Variants in PRELID2 observed in about 807,000 individuals in gnomAD.
The protein encoded by PRELID2 is PRELI domain containing 2.
A neutral mutation model predicts 28.4 loss-of-function variants in PRELID2; 25 were observed. The observed-to-expected ratio is 0.88, with a 90% CI of 0.64 to 1.23. The LOEUF is 1.23. Among genes scored for constraint, PRELID2 ranks in the 50% most tolerant of loss-of-function variants. The probability of loss-of-function intolerance (pLI) is 0.00; values close to 1 mark genes in which losing one functional copy is unlikely to be tolerated. For synonymous variants in PRELID2, 76 were observed against 71.6 expected (o/e 1.06, Z -0.31); for missense variants, 201 against 214.4 (o/e 0.94, Z 0.39).
In PRELID2 at chr5:145,741,553, T is replaced by TATTTATATATAAAATTTATTTATAAATA. The variant is rs1561568019; in HGVS notation, n.70+23350_70+23377dup. Among the ~76,000 whole-genome samples, 10 of 104,052 alleles carry TATTTATATATAAAATTTATTTATAAATA rather than the reference T, an allele frequency of 9.6e-5. 1 individual carries two copies. The highest frequency in any genetic ancestry group is 3.2e-4 in the African/African-American group (7 of 21,682). The allele number at this position is 104,052 out of a possible 152,430, so 68.3% of individuals were successfully genotyped here. ...ATATAAAATTTATTTATAAATAATTTATTTATATATAAAATTTATTTATAA... is the reference window on the plus strand; with the variant it reads ...ATATAAAATTTATTTATAAATAATTTATTTATATATAAAATTTATTTATAAATAATTTATATATAAAATTTATTTATAA... On this transcript the variant is annotated intron_variant and non_coding_transcript_variant, in intron 1 of 2. Transcript: ENST00000510259.
intron 1 of PRELID2, among the ~76,000 whole-genome samples, chr5:145,568,944 T>A (rs1330149731): frequency 2.0e-5 from 3 of 152,246 alleles, no homozygotes; most frequent in Admixed American, 6.5e-5. Context: ...GCTGCCATCA[T>A]AAAGAAACAT....
intron 1 of PRELID2, among the ~76,000 whole-genome samples, chr5:145,707,257 G>A (rs1755572130): frequency 6.6e-6 from 1 of 152,202 alleles, no homozygotes; most frequent in African/African-American, 2.4e-5. Flanking sequence ...GAGTGGCAGA[G>A]TCAGGATGTG....
At chr5:145,619,949 G>T (rs62394221) in intron 1 of PRELID2, among the ~76,000 whole-genome samples, 3,070 of 152,186 alleles carry the variant, frequency 0.02, 51 homozygotes, top group African/African-American at 0.034. Flanking sequence ...AATTTAAACA[G>T]TCTGAAAATT....
At chr5:145,530,823 G>T (rs1216730398) in intron 1 of PRELID2, among the ~76,000 whole-genome samples, 2 of 151,980 alleles carry the variant, frequency 1.3e-5, no homozygotes, top group Non-Finnish European at 2.9e-5. Flanking sequence ...AGTCATAATT[G>T]CCCAAGGAGA....
chr5:145,735,895 T>G (rs1055214530), intron 1 of PRELID2, among the ~76,000 whole-genome samples: 3 of 152,204 alleles, frequency 2.0e-5, no homozygotes, highest in Non-Finnish European at 2.9e-5. Flanking sequence ...CCGACCACAT[T>G]GTGAGACTAA....
intron 1 of PRELID2, among the ~76,000 whole-genome samples, chr5:145,737,744 G>T (rs555194285): frequency 5.9e-5 from 9 of 152,188 alleles, no homozygotes; most frequent in South Asian, 2.1e-4. Flanking sequence ...CACTGGCAAG[G>T]GCCTAGACTT....
chr5:145,787,188 A>C (rs1351895342), intron 5 of PRELID2, among the ~76,000 whole-genome samples: 1 of 152,244 alleles, frequency 6.6e-6, no homozygotes, highest in Non-Finnish European at 1.5e-5. Flanking sequence ...CGATTGCATA[A>C]TGAGAGCTCT....
chr5:145,710,705 A>G (rs750693292), intron 1 of PRELID2, among the ~76,000 whole-genome samples: 3 of 152,192 alleles, frequency 2.0e-5, no homozygotes, highest in African/African-American at 4.8e-5. Flanking sequence ...TCTTAACATC[A>G]CTGCCTGGTC....
the PRELID2 span, among the ~76,000 whole-genome samples, chr5:145,254,883 T>C: frequency 6.6e-6 from 1 of 150,442 alleles, no homozygotes; most frequent in Non-Finnish European, 1.5e-5. Context: ...AATGAGACAT[T>C]CCTCCTAGGT....
chr5:145,487,066 T>G (rs1257943689), intron 1 of PRELID2, among the ~76,000 whole-genome samples: 54 of 119,900 alleles, frequency 4.5e-4, no homozygotes, highest in East Asian at 2.1e-3. Context: ...ACAGGAAGGG[T>G]AATATCACAC....
chr5:145,581,126 T>C (rs966126585), intron 1 of PRELID2, among the ~76,000 whole-genome samples: 2 of 151,970 alleles, frequency 1.3e-5, no homozygotes, highest in Non-Finnish European at 2.9e-5. Context: ...CTCTTCCTAG[T>C]ACAGAAGCCC....
At chr5:145,735,875 A>G (rs1581115275) in intron 1 of PRELID2, among the ~76,000 whole-genome samples, 1 of 152,326 alleles carries the variant, frequency 6.6e-6, no homozygotes, top group East Asian at 1.9e-4. Flanking sequence ...GAAATGGATG[A>G]TCAGCATGAC....
chr5:145,753,018 A>T (rs1022597496), downstream of PRELID2, among the ~76,000 whole-genome samples: 4 of 152,190 alleles, frequency 2.6e-5, no homozygotes, highest in Admixed American at 2.6e-4. Flanking sequence ...AGACACCTAA[A>T]CTTAAAATGG....
At chr5:145,400,113 G>T in the PRELID2 span, among the ~76,000 whole-genome samples, 1 of 151,970 alleles carries the variant, frequency 6.6e-6, no homozygotes, top group Admixed American at 6.6e-5. Context: ...AGAAGTGTTA[G>T]CCCTGATCAA....
At chr5:145,269,407 C>T in the PRELID2 span, among the ~76,000 whole-genome samples, 2 of 151,918 alleles carry the variant, frequency 1.3e-5, no homozygotes, top group Non-Finnish European at 2.9e-5. Context: ...AAAAGTCTTT[C>T]CAACTAAAGA....
chr5:145,431,415 G>T, the PRELID2 span, among the ~76,000 whole-genome samples: 6 of 152,166 alleles, frequency 3.9e-5, 1 homozygote, highest in South Asian at 1.2e-3. Context: ...TGATAAACTG[G>T]ATATTTACAT....
intron 1 of PRELID2, among the ~76,000 whole-genome samples, chr5:145,657,481 C>A (rs146472149): frequency 4.6e-5 from 7 of 152,002 alleles, no homozygotes; most frequent in Non-Finnish European, 1.0e-4. Context: ...GTCAGGAGTT[C>A]GAGACCAACC....
In PRELID2 at chr5:145,757,801, C is replaced by CA. The variant is rs1292545163; in HGVS notation, c.*2734dup. ...TGATAAACATAGTGAGACCCTATCT[C>CA]AAAAAAAAGTAAATGAAAAAAAAAA... On this transcript the variant is annotated 3_prime_UTR_variant, in exon 7 of 7. Coordinates refer to ENST00000683046, the MANE Select transcript of PRELID2 (RefSeq NM_205846.3). Among the ~76,000 whole-genome samples, 3 of 59,902 alleles carry CA rather than the reference C, an allele frequency of 5.0e-5. No homozygotes were observed. The highest frequency in any genetic ancestry group is 9.5e-5 in the Non-Finnish European group (3 of 31,434). The allele number at this position is 59,902 out of a possible 152,430, so 39.3% of individuals were successfully genotyped here.
chr5:145,692,637 G>A lies in PRELID2; in HGVS notation n.70+72294C>T, dbSNP rs1755174212. Among the ~76,000 whole-genome samples the A allele has an allele frequency of 2.6e-5, 4 of 152,238 alleles. No homozygotes were observed. In the South Asian group the frequency reaches 6.2e-4, roughly 24 times the overall value. On this transcript the variant is annotated intron_variant and non_coding_transcript_variant, in intron 1 of 2. Transcript: ENST00000510259. ...AATCAAAGTAAATGCCTGTCAGGTCGACAATTACAAATGGCAAAGGAGTGA... is the reference window on the plus strand; with the variant it reads ...AATCAAAGTAAATGCCTGTCAGGTCAACAATTACAAATGGCAAAGGAGTGA...
Sources: allele counts gnomAD v4.1 joint callset (sites outside exome capture counted in the v4.1 genomes callset), GRCh38; gene constraint gnomAD v4.1.1; transcripts MANE v1.5; gene names NCBI Gene and HGNC (gene_info 2026-07-23, HGNC 2026-07-21).